The following SOX6 variants were observed in gnomAD, a reference collection of about 807,000 sequenced individuals.
SOX6 encodes transcription factor SOX-6.
In SOX6, 11 loss-of-function variants were observed where a neutral mutation model predicts 97.8. The observed-to-expected ratio is 0.11, with a 90% confidence interval of 0.07 to 0.19. The LOEUF (loss-of-function observed/expected upper bound fraction) is 0.19. SOX6 is among the 10% of genes least tolerant of loss of function. The probability of loss-of-function intolerance (pLI) is 1.00; values close to 1 mark genes in which losing one functional copy is unlikely to be tolerated. For synonymous variants in SOX6, 360 were observed against 371.4 expected, an observed-to-expected ratio of 0.97 and a Z score of 0.35; for missense variants, 810 against 1,039.5, an observed-to-expected ratio of 0.78 and a Z score of 3.04.
chr11:16,564,712 GA>G (rs1847850339), intron 4 of SOX6, among the ~76,000 whole-genome samples: 1 of 151,786 alleles, frequency 6.6e-6, no homozygotes, highest in African/African-American at 2.4e-5. Context: ...AATAATCCAT[GA>G]GTCAAAAAAA....
intron 13 of SOX6, among the ~76,000 whole-genome samples, chr11:16,007,180 T>C (rs1315150165): frequency 1.3e-5 from 2 of 152,114 alleles, no homozygotes; most frequent in East Asian, 3.9e-4. Context: ...TTACCAAACC[T>C]AGATGGTATA....
At chr11:16,583,630 T>TATATATATAA (rs1848059937) in intron 4 of SOX6, among the ~76,000 whole-genome samples, 1 of 84,908 alleles carries the variant, frequency 1.2e-5, no homozygotes, top group African/African-American at 4.9e-5. Flanking sequence ...TATATATATA[T>TATATATATAA]ATATATACAC....
At chr11:16,156,003 T>G (rs1419045245) in intron 6 of SOX6, among the ~76,000 whole-genome samples, 1 of 152,092 alleles carries the variant, frequency 6.6e-6, no homozygotes, top group Non-Finnish European at 1.5e-5. Context: ...TTTTTGTTTC[T>G]CTGAGTTCAG....
intron 4 of SOX6, among the ~76,000 whole-genome samples, chr11:16,483,827 C>A (rs1217614174): frequency 6.6e-6 from 1 of 152,196 alleles, no homozygotes; most frequent in East Asian, 1.9e-4. Flanking sequence ...GTGAGGTGGT[C>A]ATATCCTGGC....
At chr11:16,192,717 C>T (rs1851663495) in intron 4 of SOX6, among the ~76,000 whole-genome samples, 1 of 151,608 alleles carries the variant, frequency 6.6e-6, no homozygotes, top group East Asian at 1.9e-4. Context: ...ATAAATAAGG[C>T]AATTCTCTTA....
At chr11:16,328,710 T>C (rs1312434247) in intron 2 of SOX6, among the ~76,000 whole-genome samples, 1 of 152,178 alleles carries the variant, frequency 6.6e-6, no homozygotes, top group Admixed American at 6.6e-5. Flanking sequence ...CTGTGCTATA[T>C]AAGACACCTT....
At chr11:16,620,101 T>C (rs1412420101) in intron 3 of SOX6, among the ~76,000 whole-genome samples, 1 of 152,138 alleles carries the variant, frequency 6.6e-6, no homozygotes, top group Non-Finnish European at 1.5e-5. Context: ...AGCTAAAAGA[T>C]TGTTAAAAAT....
At chr11:16,566,884 A>G (rs889863716) in intron 4 of SOX6, among the ~76,000 whole-genome samples, 4 of 152,264 alleles carry the variant, frequency 2.6e-5, no homozygotes, top group African/African-American at 9.6e-5. Context: ...AAATGTTCAT[A>G]GGAGCACTAT....
At chr11:16,277,613 G>C (rs1369907755) in intron 3 of SOX6, among the ~76,000 whole-genome samples, 1 of 152,134 alleles carries the variant, frequency 6.6e-6, no homozygotes, top group Non-Finnish European at 1.5e-5. Context: ...CTTAACAAAA[G>C]ATAAATCTTC....
chr11:16,408,128 T>G (rs147444501), intron 1 of SOX6, among the ~76,000 whole-genome samples: 15 of 152,248 alleles, frequency 9.9e-5, no homozygotes, highest in African/African-American at 3.6e-4. Flanking sequence ...TTCAAGGTCA[T>G]GGAAAAGAGC....
chr11:16,393,270 A>G (rs1474151389), intron 1 of SOX6, among the ~76,000 whole-genome samples: 8 of 152,062 alleles, frequency 5.3e-5, no homozygotes, highest in Non-Finnish European at 1.2e-4. Context: ...GAGCCCAGGA[A>G]AGAGTAAGAA....
At chr11:16,092,224 AT>A (rs998028198) in intron 9 of SOX6, among the ~76,000 whole-genome samples, 1 of 151,938 alleles carries the variant, frequency 6.6e-6, no homozygotes, top group Non-Finnish European at 1.5e-5. Context: ...CCTTCATTGT[AT>A]TTTTTTAAAA....
chr11:16,159,422 G>T (rs1393762773), intron 6 of SOX6, among the ~76,000 whole-genome samples: 1 of 151,942 alleles, frequency 6.6e-6, no homozygotes, highest in South Asian at 2.1e-4. Flanking sequence ...AAATAAATTG[G>T]TGTTTGGTTT....
chr11:16,438,305 A>T (rs1440137228), intron 1 of SOX6, among the ~76,000 whole-genome samples: 2 of 152,188 alleles, frequency 1.3e-5, no homozygotes, highest in African/African-American at 4.8e-5. Flanking sequence ...AGAGATTTTT[A>T]AAAATTAAAA....
intron 1 of SOX6, among the ~76,000 whole-genome samples, chr11:16,386,292 CCTGATT>C (rs994034936): frequency 1.7e-4 from 25 of 150,182 alleles, no homozygotes; most frequent in African/African-American, 6.1e-4. Flanking sequence ...AGTTTACTTT[CCTGATT>C]CTAAGTTGAG....
intron 1 of SOX6, among the ~76,000 whole-genome samples, chr11:16,403,950 T>C (rs1858624478): frequency 6.6e-6 from 1 of 151,864 alleles, no homozygotes; most frequent in South Asian, 2.1e-4. Context: ...ATTATTCTTA[T>C]GGTCATCCCC....
chr11:16,008,079 C>A (rs1293447229), intron 13 of SOX6, among the ~76,000 whole-genome samples: 2 of 152,036 alleles, frequency 1.3e-5, no homozygotes, highest in African/African-American at 4.8e-5. Context: ...TGCACATAAC[C>A]TATGCATATC....
At chr11:16,466,952 A>C (rs1258611871) in intron 1 of SOX6, among the ~76,000 whole-genome samples, 4 of 150,590 alleles carry the variant, frequency 2.7e-5, no homozygotes, top group Non-Finnish European at 4.4e-5. Context: ...AAAAAAAAAA[A>C]AACAACTCCA....
intron 4 of SOX6, among the ~76,000 whole-genome samples, chr11:16,521,565 A>C (rs1427585075): frequency 6.6e-6 from 1 of 152,246 alleles, no homozygotes; most frequent in African/African-American, 2.4e-5. Flanking sequence ...AACTCTAAAA[A>C]GCAGAGCGCC....
Sources: gnomAD v4.1 joint callset for allele counts (sites outside exome capture counted in the v4.1 genomes callset) on GRCh38, gnomAD v4.1.1 for gene constraint, MANE v1.5 for transcripts, NCBI Gene and HGNC (gene_info 2026-07-23, HGNC 2026-07-21) for gene names.